Variants in SLC35D1 observed in about 807,000 individuals in gnomAD.
SLC35D1 encodes the protein nucleotide sugar transporter SLC35D1.
SLC35D1 carries 31 observed loss-of-function variants against 46.7 expected under a neutral mutation model. The ratio of observed to expected loss-of-function variants is 0.66; its 90% confidence interval spans 0.50 to 0.90. The LOEUF is 0.90. Ranked by LOEUF, SLC35D1 falls within the 40% of genes least tolerant of loss-of-function variation. The pLI, the probability that SLC35D1 is intolerant of heterozygous loss-of-function variation, is 0.00. For synonymous variants in SLC35D1, 195 were observed against 164.6 expected, an observed-to-expected ratio of 1.18 and a Z score of -1.41; for missense variants, 397 against 426.2, an observed-to-expected ratio of 0.93 and a Z score of 0.60.
chr1:67,038,634 T>C (rs1431573775), intron 8 of SLC35D1, among the ~76,000 whole-genome samples: 1 of 152,228 alleles, frequency 6.6e-6, no homozygotes, highest in African/African-American at 2.4e-5. Context: ...GGTCAAATGA[T>C]GTCCACTCTG....
chr1:66,994,028 G>A, the SLC35D1 span, among the ~76,000 whole-genome samples: 1 of 135,426 alleles, frequency 7.4e-6, no homozygotes, highest in South Asian at 2.2e-4. Flanking sequence ...TAAAATGCAG[G>A]ACAATCAGCA....
At chr1:66,982,430 C>T in the SLC35D1 span, among the ~76,000 whole-genome samples, 1 of 151,952 alleles carries the variant, frequency 6.6e-6, no homozygotes, top group South Asian at 2.1e-4. Context: ...TTTTTCTCTC[C>T]AAGAAAAAGA....
At chr1:66,994,921 G>GA (rs61387414), downstream of SLC35D1, among the ~76,000 whole-genome samples, 6,937 of 96,438 alleles carry the variant, frequency 0.072, 187 homozygotes, top group South Asian at 0.12. Flanking sequence ...GGCAAAAAAA[G>GA]AAAAAAAAAA....
Position 67,003,440 on chromosome 1 carries a change from A to G in SLC35D1, c.*900T>C, listed in dbSNP as rs1194974026. The G allele has an allele frequency of 2.0e-5, 3 of 152,214 alleles. No homozygotes were observed. The highest frequency in any genetic ancestry group is 4.4e-5 in the Non-Finnish European group (3 of 68,050). 9.4% of individuals were successfully genotyped at this position (152,214 alleles called of 1,614,324 possible). A position where few individuals can be genotyped will look rare whatever the true frequency, so the allele number is the denominator to read the frequency against. On this transcript the variant is annotated 3_prime_UTR_variant, in exon 12 of 12. Transcript: ENST00000235345. The stretch of plus-strand genomic sequence containing the variant: ...GGCAGGTGTTCTTAATCCAATTTAC[A>G]GATTTGCGGCTTTTGAGTGCTGAAA...
At chr1:67,041,345 G>A (rs1229317687) in intron 8 of SLC35D1, among the ~76,000 whole-genome samples, 1 of 152,098 alleles carries the variant, frequency 6.6e-6, no homozygotes, top group Non-Finnish European at 1.5e-5. Flanking sequence ...TATGATGGGG[G>A]GTGGGAAACA....
At chr1:67,035,440 C>G (rs539443513) in intron 8 of SLC35D1, among the ~76,000 whole-genome samples, 1 of 152,184 alleles carries the variant, frequency 6.6e-6, no homozygotes, top group South Asian at 2.1e-4. Context: ...ATGTGTCCAG[C>G]ATTTATCCAT....
the SLC35D1 span, among the ~76,000 whole-genome samples, chr1:66,978,648 T>A: frequency 1.3e-5 from 2 of 152,212 alleles, no homozygotes; most frequent in African/African-American, 4.8e-5. Context: ...ACATCTTTTA[T>A]TTTTTTCAAC....
At chr1:67,021,724 G>GACACACACACACACACACACACACACAC (rs35069681) in intron 8 of SLC35D1, 122 bp from the exon 9 acceptor site, 4 of 422,650 alleles carry the variant, frequency 9.5e-6, no homozygotes, top group East Asian at 5.7e-5. Context: ...CACAGACACA[G>GACACACACACACACACACACACACACAC]ACACACACAC....
the SLC35D1 span, among the ~76,000 whole-genome samples, chr1:66,978,825 G>C: frequency 6.6e-6 from 1 of 152,156 alleles, no homozygotes; most frequent in African/African-American, 2.4e-5. Context: ...GTGATGTCAA[G>C]ATCAACAGGT....
intron 10 of SLC35D1, among the ~76,000 whole-genome samples, chr1:67,016,127 T>C (rs1489112111): frequency 6.6e-6 from 1 of 152,112 alleles, no homozygotes; most frequent in African/African-American, 2.4e-5. Flanking sequence ...TATATAAATG[T>C]GTTATTAATA....
intron 8 of SLC35D1, among the ~76,000 whole-genome samples, chr1:67,027,394 T>A (rs907772431): frequency 7.2e-5 from 11 of 152,156 alleles, no homozygotes. Context: ...TCTTACAATC[T>A]TACATTTCTT....
At position 67,002,514 on chromosome 1, in the gene SLC35D1, C is replaced by A. The variant is rs1316630763; in HGVS notation, c.*1826G>T. ...TTGGTAAAATAGGGAGAGTAAGACC[C>A]ATATGACACAAGATACTATCCTTTA... is the stretch of plus-strand genomic sequence containing the variant. On this transcript the variant is annotated 3_prime_UTR_variant, in exon 12 of 12. Transcript: ENST00000235345. The A allele has an allele frequency of 6.6e-6, 1 of 152,260 alleles. No homozygotes were observed. The highest frequency in any genetic ancestry group is 1.5e-5 in the Non-Finnish European group (1 of 68,046). The allele number at this position is 152,260 out of a possible 1,614,324, so 9.4% of individuals were successfully genotyped here. A position where few individuals can be genotyped will look rare whatever the true frequency, so the allele number is the denominator to read the frequency against.
rs1667400495 is a variant in SLC35D1, at chr1:67,004,269, C to T, written c.*71G>A. On this transcript the variant is annotated 3_prime_UTR_variant, in exon 12 of 12. Transcript: ENST00000235345. The stretch of plus-strand genomic sequence containing the variant: ...CCATAATCAAGACACCTCAGTGTCT[C>T]TGTAGGAACTGCCAGTGTTCTGAGT... 3.2e-6 allele frequency: 4 copies of T among 1,257,970 alleles called. No individual in the cohort carries two copies. Among genetic ancestry groups the T allele is most frequent in the Non-Finnish European group, 4.7e-6 (4 of 857,438 alleles). 77.9% of individuals were successfully genotyped at this position (1,257,970 alleles called of 1,614,324 possible). A position where few individuals can be genotyped will look rare whatever the true frequency, so the allele number is the denominator to read the frequency against.
At chr1:66,982,525 C>G in the SLC35D1 span, among the ~76,000 whole-genome samples, 3 of 152,174 alleles carry the variant, frequency 2.0e-5, no homozygotes, top group African/African-American at 7.2e-5. Context: ...CTGTGCTGAT[C>G]AGTAGTAAGA....
At chr1:66,991,411 C>G in the SLC35D1 span, among the ~76,000 whole-genome samples, 2 of 152,198 alleles carry the variant, frequency 1.3e-5, no homozygotes, top group Non-Finnish European at 2.9e-5. Flanking sequence ...CACAGAGAGT[C>G]ACAGTCCCAT....
intron 8 of SLC35D1, among the ~76,000 whole-genome samples, chr1:67,034,774 G>C (rs940340129): frequency 6.6e-6 from 1 of 152,110 alleles, no homozygotes; most frequent in Non-Finnish European, 1.5e-5. Flanking sequence ...TAGAAAAAAG[G>C]CTTTCCATTT....
In SLC35D1 at chr1:67,003,466, C is replaced by T. The variant is rs137892802; in HGVS notation, c.*874G>A. 1 of 152,308 alleles carries T rather than the reference C, an allele frequency of 6.6e-6. No homozygotes were observed. The highest frequency in any genetic ancestry group is 1.5e-5 in the Non-Finnish European group (1 of 68,020). The allele number at this position is 152,308 out of a possible 1,614,324, so 9.4% of individuals were successfully genotyped here. On this transcript the variant is annotated 3_prime_UTR_variant, in exon 12 of 12. Transcript: ENST00000235345. ...GATTTGCGGCTTTTGAGTGCTGAAA[C>T]AACTTACTCTTAGTGACATCTTCTG... is the stretch of plus-strand genomic sequence containing the variant.
chr1:67,009,894 C>G (rs1313474356), intron 10 of SLC35D1, among the ~76,000 whole-genome samples: 1 of 152,182 alleles, frequency 6.6e-6, no homozygotes, highest in Non-Finnish European at 1.5e-5. Context: ...CTTATGTTCA[C>G]TGCAGCATGA....
chr1:67,021,551 G>C lies in SLC35D1; in HGVS notation c.781C>G (p.Leu261Val). ...AAGGCTTACCCCATCACACAGGAGAGGGTGAACTGCAGAAGAAAGAGGGTG... is the reference window on the plus strand; with the variant it reads ...AAGGCTTACCCCATCACACAGGAGACGGTGAACTGCAGAAGAAAGAGGGTG... The part of the protein sequence containing the change: ...ADTLFLLQFT[L>V]SCVMGFILMY... The change falls in exon 9 of 12, where the codon CTC becomes GTC. Residue 261 changes from leucine (L) to valine (V), a missense_variant. Coordinates refer to ENST00000235345, the MANE Select transcript of SLC35D1 (RefSeq NM_015139.3). The C allele has an allele frequency of 1.9e-6, 3 of 1,613,970 alleles. No homozygotes were observed. Among genetic ancestry groups the C allele is most frequent in the African/African-American group, 2.7e-5 (2 of 75,016 alleles).
Sources: allele counts gnomAD v4.1 joint callset (sites outside exome capture counted in the v4.1 genomes callset), GRCh38; gene constraint gnomAD v4.1.1; transcripts MANE v1.5; gene names NCBI Gene and HGNC (gene_info 2026-07-23, HGNC 2026-07-21).